GFRA2: variants seen among roughly 807,000 people sequenced by gnomAD.
GFRA2 encodes the protein GDNF family receptor alpha 2.
Under a neutral mutation model 48.3 loss-of-function variants are expected in GFRA2, and 17 were observed. The ratio of observed to expected loss-of-function variants is 0.35; its 90% CI spans 0.24 to 0.53. The LOEUF is 0.53. Ranked by LOEUF, GFRA2 falls within the 20% of genes least tolerant of loss-of-function variation. GFRA2 has a pLI of 0.93. For synonymous variants in GFRA2, 305 were observed against 257.2 expected, an observed-to-expected ratio of 1.19 and a Z score of -1.78; for missense variants, 660 against 637.3, an observed-to-expected ratio of 1.04 and a Z score of -0.38.
Position 21,788,354 on chromosome 8 carries a change from C to T in GFRA2, c.-195G>A, listed in dbSNP as rs1188704546. ...TGGCTGGAGGGGGTGGGGTGAGAGG[C>T]GGGCGATGGGCTGCTGCCTCTCGAC... is the stretch of plus-strand genomic sequence containing the variant. On this transcript the variant is annotated 5_prime_UTR_variant, in exon 1 of 9. Coordinates refer to ENST00000524240, the MANE Select transcript of GFRA2 (RefSeq NM_001495.5). 1 of 1,349,724 alleles carries T rather than the reference C, an allele frequency of 7.4e-7. No homozygotes were observed. The highest frequency in any genetic ancestry group is 9.5e-7 in the Non-Finnish European group (1 of 1,055,420). The allele number at this position is 1,349,724 out of a possible 1,614,324, so 83.6% of individuals were successfully genotyped here. A position where few individuals can be genotyped will look rare whatever the true frequency, so the allele number is the denominator to read the frequency against.
intron 2 of GFRA2, among the ~76,000 whole-genome samples, chr8:21,802,309 C>T (rs1404237902): frequency 6.6e-6 from 1 of 152,192 alleles, no homozygotes; most frequent in African/African-American, 2.4e-5. Context: ...CTTAAAGCAC[C>T]TACTATGTTC....
chr8:21,763,020 T>C (rs1471431894), intron 3 of GFRA2, among the ~76,000 whole-genome samples: 2 of 152,220 alleles, frequency 1.3e-5, no homozygotes, highest in African/African-American at 4.8e-5. Context: ...CATCATAAGC[T>C]AAACTTTTGT....
intron 3 of GFRA2, among the ~76,000 whole-genome samples, chr8:21,768,961 G>T (rs1806311697): frequency 6.6e-6 from 1 of 152,186 alleles, no homozygotes; most frequent in Non-Finnish European, 1.5e-5. Flanking sequence ...GATGCCACCA[G>T]GAACATCATT....
At chr8:21,812,283 G>C (rs1434026994) in exon 1 of GFRA2, 1 of 152,284 alleles carries the variant, frequency 6.6e-6, no homozygotes, top group Non-Finnish European at 1.5e-5. Flanking sequence ...CTGCCGGCCT[G>C]ATGGCGCATT....
chr8:21,785,284 T>C (rs1393859153), intron 1 of GFRA2, among the ~76,000 whole-genome samples: 1 of 152,016 alleles, frequency 6.6e-6, no homozygotes, highest in Non-Finnish European at 1.5e-5. Flanking sequence ...ACTGAGGGCT[T>C]CCCCCATCCT....
chr8:21,769,283 C>A (rs1449915067), intron 3 of GFRA2: 1 of 367,122 alleles, frequency 2.7e-6, no homozygotes, highest in Non-Finnish European at 3.6e-6. Flanking sequence ...CTTCCATGAT[C>A]GATTCCTGCA....
Position 21,788,425 on chromosome 8 carries a change from G to A in GFRA2, c.-266C>T, listed in dbSNP as rs1490229699. 33 of 1,246,450 alleles carry A rather than the reference G, an allele frequency of 2.6e-5. No individual in the cohort carries two copies. The highest frequency in any genetic ancestry group is 3.2e-5 in the African/African-American group (2 of 63,364). 77.2% of individuals were successfully genotyped at this position (1,246,450 alleles called of 1,614,324 possible). On this transcript the variant is annotated 5_prime_UTR_variant, in exon 1 of 9. Coordinates refer to ENST00000524240, the MANE Select transcript of GFRA2 (RefSeq NM_001495.5). ...TCAAATATACGCGTATCTGTGTATC[G>A]GCTTTCTAAGCCAACAGCCCAGTCC...
At chr8:21,733,925 A>G (rs1804324025) in intron 4 of GFRA2, among the ~76,000 whole-genome samples, 1 of 152,216 alleles carries the variant, frequency 6.6e-6, no homozygotes, top group Non-Finnish European at 1.5e-5. Context: ...CAAAGTCATC[A>G]TCATTTCTGT....
At chr8:21,697,961 T>C (rs1472033121) in intron 7 of GFRA2, among the ~76,000 whole-genome samples, 2 of 152,204 alleles carry the variant, frequency 1.3e-5, no homozygotes, top group Admixed American at 6.5e-5. Flanking sequence ...CTCTTTCCTT[T>C]ATGAATTACC....
At chr8:21,733,828 G>A (rs966534403) in intron 4 of GFRA2, among the ~76,000 whole-genome samples, 2 of 152,154 alleles carry the variant, frequency 1.3e-5, no homozygotes, top group African/African-American at 2.4e-5. Context: ...TGAAAGCGCC[G>A]AGATGATTGT....
intron 3 of GFRA2, among the ~76,000 whole-genome samples, chr8:21,773,207 C>T (rs992074984): frequency 3.3e-5 from 5 of 152,230 alleles, no homozygotes; most frequent in South Asian, 2.1e-4. Flanking sequence ...CAAGACTTAC[C>T]GTAGAGCTGC....
intron 1 of GFRA2, among the ~76,000 whole-genome samples, chr8:21,783,783 T>C (rs1461045660): frequency 6.6e-6 from 1 of 151,568 alleles, no homozygotes; most frequent in Admixed American, 6.6e-5. Context: ...CCCCCTGCTC[T>C]CTCCTCCCCA....
chr8:21,704,193 C>A (rs1435038114), intron 6 of GFRA2, among the ~76,000 whole-genome samples: 1 of 152,238 alleles, frequency 6.6e-6, no homozygotes, highest in African/African-American at 2.4e-5. Flanking sequence ...GGCAGGCGCC[C>A]CCTGCCTCTT....
chr8:21,811,234 G>A (rs2117125702), intron 1 of GFRA2, among the ~76,000 whole-genome samples: 1 of 152,294 alleles, frequency 6.6e-6, no homozygotes, highest in African/African-American at 2.4e-5. Flanking sequence ...CCCTGGAACA[G>A]AAGCAGGAAT....
Position 21,692,541 on chromosome 8 carries a change from A to G in GFRA2, c.*737T>C, listed in dbSNP as rs1413871427. 6.6e-6 allele frequency: 1 copy of G among 152,048 alleles called. No homozygotes were observed. Among genetic ancestry groups the G allele is most frequent in the East Asian group, 1.9e-4 (1 of 5,156 alleles). The allele number at this position is 152,048 out of a possible 1,614,324, so 9.4% of individuals were successfully genotyped here. A position where few individuals can be genotyped will look rare whatever the true frequency, so the allele number is the denominator to read the frequency against. On this transcript the variant is annotated 3_prime_UTR_variant, in exon 9 of 9. Coordinates refer to ENST00000524240, the MANE Select transcript of GFRA2 (RefSeq NM_001495.5). ...GACTTCAAAATTTCTGCCACCGAGA[A>G]AGAAGCTGGTGCCCAAGTTTTAATG... is the stretch of plus-strand genomic sequence containing the variant.
chr8:21,755,112 T>C lies in GFRA2; in HGVS notation c.440-4170A>G, dbSNP rs571839014. ...ATGGAGCATTTTTAGGGCAATGAAA[T>C]CACTCTGTATGATACTGTAATGGAG... On this transcript the variant is annotated intron_variant, in intron 3 of 8. Transcript: ENST00000524240. Among the ~76,000 whole-genome samples, 365 of 152,106 alleles carry C rather than the reference T, an allele frequency of 2.4e-3. 5 individuals carry two copies. Among genetic ancestry groups the C allele is most frequent in the Middle Eastern group, 0.014 (4 of 294 alleles).
At chr8:21,748,230 T>C (rs1158919113) in intron 4 of GFRA2, among the ~76,000 whole-genome samples, 1 of 152,174 alleles carries the variant, frequency 6.6e-6, no homozygotes, top group Non-Finnish European at 1.5e-5. Context: ...TGTGTTGCCA[T>C]GAAGGTGGCA....
At position 21,787,690 on chromosome 8, in the gene GFRA2, A is replaced by G. The variant is rs755675637; in HGVS notation, c.40+430T>C. Among the ~76,000 whole-genome samples the G allele has an allele frequency of 2.3e-3, 351 of 152,284 alleles. 7 individuals are homozygous for G. The highest frequency in any genetic ancestry group is 0.018 in the Admixed American group (283 of 15,304). On this transcript the variant is annotated intron_variant, in intron 1 of 8. Coordinates refer to ENST00000524240, the MANE Select transcript of GFRA2 (RefSeq NM_001495.5). ...ACCGACTCGGGGAGCAGACCAGGAA[A>G]GGCGGACCCCGCAGGACTGTTCTCT... is the stretch of plus-strand genomic sequence containing the variant.
intron 7 of GFRA2, among the ~76,000 whole-genome samples, chr8:21,696,332 T>C (rs1401800758): frequency 6.6e-6 from 1 of 151,736 alleles, no homozygotes; most frequent in African/African-American, 2.4e-5. Context: ...CATTTTTATT[T>C]GTTTTGTATA....
Sources: allele counts gnomAD v4.1 joint callset (sites outside exome capture counted in the v4.1 genomes callset), GRCh38; gene constraint gnomAD v4.1.1; transcripts MANE v1.5; gene names NCBI Gene and HGNC (gene_info 2026-07-23, HGNC 2026-07-21).